Variants in PSIP1 observed in about 807,000 individuals in gnomAD.
The protein encoded by PSIP1 is PC4 and SRSF1 interacting protein 1.
PSIP1 carries 19 observed loss-of-function variants against 74.7 expected under a neutral mutation model. That is an observed-to-expected ratio of 0.25 (90% CI 0.18 to 0.37). The LOEUF (loss-of-function observed/expected upper bound fraction) is 0.37, where lower values mean the gene tolerates loss of function less well. PSIP1 is among the 10% of genes least tolerant of loss of function. PSIP1 has a pLI of 1.00. For synonymous variants in PSIP1, 222 were observed against 195.3 expected (o/e 1.14, Z -1.14); for missense variants, 601 against 614.3 (o/e 0.98, Z 0.23).
intron 6 of PSIP1, among the ~76,000 whole-genome samples, chr9:15,483,056 C>T (rs1444302591): frequency 1.3e-5 from 2 of 152,120 alleles, no homozygotes; most frequent in African/African-American, 4.8e-5. Flanking sequence ...CACAGAGCAA[C>T]CTTTCCCCCT....
At chr9:15,468,103 A>G (rs1239122279) in intron 14 of PSIP1, among the ~76,000 whole-genome samples, 1 of 146,812 alleles carries the variant, frequency 6.8e-6, no homozygotes, top group Non-Finnish European at 1.5e-5. Context: ...CCTGGACAAC[A>G]AGAGCGAAAC....
chr9:15,493,658 G>C (rs1347610627), intron 3 of PSIP1, among the ~76,000 whole-genome samples: 2 of 152,180 alleles, frequency 1.3e-5, no homozygotes, highest in Non-Finnish European at 2.9e-5. Flanking sequence ...GAGGCCTCAG[G>C]AAACTTACAA....
intron 3 of PSIP1, among the ~76,000 whole-genome samples, chr9:15,493,274 G>A (rs1168592321): frequency 6.6e-6 from 1 of 152,180 alleles, no homozygotes; most frequent in Non-Finnish European, 1.5e-5. Context: ...CTCCCTGCTA[G>A]AGCAGAGCAA....
Position 15,473,992 on chromosome 9 carries a change from A to G in PSIP1, c.858+17T>C, listed in dbSNP as rs918410081. 5 of 1,561,482 alleles carry G rather than the reference A, an allele frequency of 3.2e-6. No homozygotes were observed. The highest frequency in any genetic ancestry group is 4.4e-6 in the Non-Finnish European group (5 of 1,143,094). ...ACTAAGAATAGAACAGCCATTTTAT[A>G]TATGTAAACTTTATACCTTTTCACC... On this transcript the variant is annotated intron_variant, in intron 9 of 15. Coordinates refer to ENST00000380733, the MANE Select transcript of PSIP1 (RefSeq NM_033222.5).
intron 11 of PSIP1, among the ~76,000 whole-genome samples, chr9:15,469,721 ATAAT>A (rs1436720525): frequency 7.9e-5 from 12 of 152,186 alleles, no homozygotes; most frequent in Admixed American, 2.0e-4. Flanking sequence ...ACACCATCAA[ATAAT>A]TAATGAGCAT....
intron 10 of PSIP1, chr9:15,471,944 G>A (rs931462899): frequency 1.0e-6 from 1 of 974,830 alleles, no homozygotes; most frequent in African/African-American, 1.8e-5. Context: ...GAACTCAGAA[G>A]TGACAGTCTA....
chr9:15,477,623 A>G (rs1378900381), intron 8 of PSIP1, among the ~76,000 whole-genome samples: 1 of 152,020 alleles, frequency 6.6e-6, no homozygotes, highest in African/African-American at 2.4e-5. Context: ...CTTTGTCTAA[A>G]TATACTCTCT....
Position 15,500,847 on chromosome 9 carries a change from A to C in PSIP1, c.149+5714T>G, listed in dbSNP as rs1226227853. ...CTTCTAAGATACAGAACTAGGTAGGAATAGTCCCTGAATTAGCAAAGGTAA... is the reference window on the plus strand; with the variant it reads ...CTTCTAAGATACAGAACTAGGTAGGCATAGTCCCTGAATTAGCAAAGGTAA... On this transcript the variant is annotated intron_variant, in intron 3 of 15. Coordinates refer to ENST00000380733, the MANE Select transcript of PSIP1 (RefSeq NM_033222.5). Among the ~76,000 whole-genome samples, 6 of 152,230 alleles carry C rather than the reference A, an allele frequency of 3.9e-5. No homozygotes were observed. In the East Asian group the frequency reaches 9.6e-4, roughly 24 times the overall value.
chr9:15,503,749 TTTTG>T (rs978071572), intron 3 of PSIP1, among the ~76,000 whole-genome samples: 2 of 152,034 alleles, frequency 1.3e-5, no homozygotes, highest in African/African-American at 4.8e-5. Context: ...ATTAGTATTT[TTTTG>T]TTTGTTTTTT....
At chr9:15,479,805 T>C in intron 6 of PSIP1, 118 bp from the exon 7 acceptor site, 1 of 550,532 alleles carries the variant, frequency 1.8e-6, no homozygotes, top group Non-Finnish European at 3.0e-6. Context: ...ATATAACCTC[T>C]ATATGATCTT....
rs2036245306 is a variant in PSIP1, at chr9:15,479,550, A to C, written c.553+41T>G. 6 of 1,483,854 alleles carry C rather than the reference A, an allele frequency of 4.0e-6. No homozygotes were observed. In the South Asian group the frequency reaches 7.4e-5, roughly 18 times the overall value. The allele number at this position is 1,483,854 out of a possible 1,614,324, so 91.9% of individuals were successfully genotyped here. On this transcript the variant is annotated intron_variant, in intron 7 of 15. Transcript: ENST00000380733. ...AACACTTTAAATGGACTGGAATATT[A>C]ATCACAAGCCAAACAGATATTTAAA...
chr9:15,496,603 A>T (rs1029706947), intron 3 of PSIP1, among the ~76,000 whole-genome samples: 1 of 152,166 alleles, frequency 6.6e-6, no homozygotes, highest in East Asian at 1.9e-4. Context: ...GTAGGTTTTT[A>T]AAAAAATTCA....
chr9:15,488,942 A>G (rs957479369), intron 4 of PSIP1, among the ~76,000 whole-genome samples: 1 of 152,106 alleles, frequency 6.6e-6, no homozygotes, highest in Non-Finnish European at 1.5e-5. Context: ...AATGGTGTGA[A>G]CCCGGGAGGC....
chr9:15,495,564 TA>T (rs200490010), intron 3 of PSIP1, among the ~76,000 whole-genome samples: 6 of 152,176 alleles, frequency 3.9e-5, no homozygotes, highest in East Asian at 3.9e-4. Flanking sequence ...TTCTTTGTAT[TA>T]AAAAAAATCT....
At position 15,476,999 on chromosome 9, in the gene PSIP1, A is replaced by T. The variant is rs113111665; in HGVS notation, c.629+1478T>A. On this transcript the variant is annotated intron_variant, in intron 8 of 15. Transcript: ENST00000380733. ...TTCCAGAGGAATCAGCCAAAAGCCA[A>T]GAAGACAAACGGAGTGGGAAGCATA... 8.1e-4 allele frequency among the ~76,000 whole-genome samples: 124 copies of T among 152,290 alleles called. 2 individuals carry two copies. Among genetic ancestry groups the T allele is most frequent in the African/African-American group, 2.5e-3 (104 of 41,560 alleles).
At position 15,510,243 on chromosome 9, in the gene PSIP1, C is replaced by T; in HGVS notation, c.-55G>A. ...CCCGGGAGGCGGCGAGGAGATGCGGCGGCGCGGGGATGCGGGCGGCGGACG... is the reference window on the plus strand; with the variant it reads ...CCCGGGAGGCGGCGAGGAGATGCGGTGGCGCGGGGATGCGGGCGGCGGACG... On this transcript the variant is annotated 5_prime_UTR_variant, in exon 2 of 16. Coordinates refer to ENST00000380733, the MANE Select transcript of PSIP1 (RefSeq NM_033222.5). 2.6e-6 allele frequency: 4 copies of T among 1,546,942 alleles called. No individual in the cohort carries two copies. Among genetic ancestry groups the T allele is most frequent in the Non-Finnish European group, 3.5e-6 (4 of 1,137,482 alleles).
intron 4 of PSIP1, among the ~76,000 whole-genome samples, chr9:15,487,526 G>A (rs967431941): frequency 2.6e-5 from 4 of 151,980 alleles, no homozygotes. Flanking sequence ...AACCCAGGAG[G>A]CAGAGGTTGC....
At chr9:15,507,527 A>C (rs976101843) in intron 2 of PSIP1, among the ~76,000 whole-genome samples, 1 of 152,110 alleles carries the variant, frequency 6.6e-6, no homozygotes, top group Non-Finnish European at 1.5e-5. Flanking sequence ...AGGTGCCTGT[A>C]ATCTCAGCCA....
At chr9:15,470,890 G>A in intron 10 of PSIP1, 1 of 1,087,342 alleles carries the variant, frequency 9.2e-7, no homozygotes, top group Non-Finnish European at 1.1e-6. Context: ...CTTCGTCTGA[G>A]CTTGTTATTA....
Sources: gnomAD v4.1 joint callset for allele counts (sites outside exome capture counted in the v4.1 genomes callset) on GRCh38, gnomAD v4.1.1 for gene constraint, MANE v1.5 for transcripts, NCBI Gene and HGNC (gene_info 2026-07-23, HGNC 2026-07-21) for gene names.